Variants in MAP3K2 observed in about 807,000 individuals in gnomAD.
The protein encoded by MAP3K2 is MAP/ERK kinase kinase 2.
In MAP3K2, 24 loss-of-function variants were observed where a neutral mutation model predicts 80.3. That is an observed-to-expected ratio of 0.30 (90% CI 0.22 to 0.42). The LOEUF is 0.42. Among genes scored for constraint, MAP3K2 ranks in the 10% least tolerant of loss-of-function variants. The pLI is 1.00. For synonymous variants in MAP3K2, 244 were observed against 253.7 expected, an observed-to-expected ratio of 0.96 and a Z score of 0.36; for missense variants, 608 against 750.1, an observed-to-expected ratio of 0.81 and a Z score of 2.21.
At chr2:127,314,092 C>T (rs1404002671) in intron 15 of MAP3K2, among the ~76,000 whole-genome samples, 1 of 152,188 alleles carries the variant, frequency 6.6e-6, no homozygotes, top group Non-Finnish European at 1.5e-5. Flanking sequence ...TTAAATTGCA[C>T]CTATCCCCAC....
At chr2:127,330,032 A>C (rs766714173) in intron 6 of MAP3K2, 24 bp from the exon 7 acceptor site, 9 of 1,335,622 alleles carry the variant, frequency 6.7e-6, no homozygotes, top group Non-Finnish European at 9.7e-6. Flanking sequence ...AAGACAGTTA[A>C]TGCTATTCTT....
intron 1 of MAP3K2, among the ~76,000 whole-genome samples, chr2:127,344,235 GAA>G (rs1686553726): frequency 1.3e-5 from 2 of 152,136 alleles, no homozygotes; most frequent in Non-Finnish European, 2.9e-5. Flanking sequence ...TCCCCCAGGA[GAA>G]AAGAGACCCT....
chr2:127,370,718 A>G (rs1687047232), intron 1 of MAP3K2, among the ~76,000 whole-genome samples: 2 of 152,190 alleles, frequency 1.3e-5, no homozygotes, highest in Non-Finnish European at 2.9e-5. Flanking sequence ...AACATCATGC[A>G]CAAGGACAAC....
At position 127,373,787 on chromosome 2, in the gene MAP3K2, C is replaced by T. The variant is rs80349680; in HGVS notation, c.-66+13665G>A. On this transcript the variant is annotated intron_variant, in intron 1 of 16. Transcript: ENST00000682094. The stretch of plus-strand genomic sequence containing the variant: ...TCTATGTCCAGTGAGTCAATAAAGT[C>T]ATCTATTCAGGCCTCAGACAATGCA... 1.4e-3 allele frequency among the ~76,000 whole-genome samples: 211 copies of T among 152,266 alleles called. 4 individuals are homozygous for T. In the East Asian group the frequency reaches 0.036, roughly 26 times the overall value.
Position 127,303,940 on chromosome 2 carries a change from T to C in MAP3K2, c.*3639A>G, listed in dbSNP as rs1386819812. 2 of 152,134 alleles carry C rather than the reference T, an allele frequency of 1.3e-5. No individual in the cohort carries two copies. The highest frequency in any genetic ancestry group is 2.4e-5 in the African/African-American group (1 of 41,436). The allele number at this position is 152,134 out of a possible 1,614,324, so 9.4% of individuals were successfully genotyped here. On this transcript the variant is annotated 3_prime_UTR_variant, in exon 17 of 17. Transcript: ENST00000682094. ...TCTTATAACAACTCCATGTCAGAAA[T>C]ACTACAGAGCAGATCTGACATATAT...
intron 1 of MAP3K2, among the ~76,000 whole-genome samples, chr2:127,374,209 ACT>A (rs1178542090): frequency 1.3e-5 from 2 of 152,198 alleles, no homozygotes; most frequent in Non-Finnish European, 2.9e-5. Context: ...GACTCTGCTT[ACT>A]GTTTATTTAT....
At chr2:127,323,870 C>T in intron 11 of MAP3K2, 32 bp downstream of exon 11, 1 of 1,069,904 alleles carries the variant, frequency 9.3e-7, no homozygotes, top group Admixed American at 2.8e-5. Flanking sequence ...GATTTTTTAA[C>T]TATTCTTGTG....
intron 1 of MAP3K2, among the ~76,000 whole-genome samples, chr2:127,375,124 G>A (rs951480805): frequency 6.6e-6 from 1 of 152,190 alleles, no homozygotes; most frequent in Non-Finnish European, 1.5e-5. Context: ...GTTAACGTGG[G>A]GGAGAGGATA....
At chr2:127,361,158 A>G (rs780022957) in intron 1 of MAP3K2, among the ~76,000 whole-genome samples, 18 of 151,902 alleles carry the variant, frequency 1.2e-4, no homozygotes, top group Admixed American at 2.6e-4. Context: ...CTAAAAATAC[A>G]AAAAATTAGC....
intron 1 of MAP3K2, among the ~76,000 whole-genome samples, chr2:127,380,651 A>C (rs1436785750): frequency 1.3e-5 from 2 of 152,206 alleles, no homozygotes; most frequent in African/African-American, 2.4e-5. Context: ...CTTTAACCTA[A>C]GAGTTAAGTA....
chr2:127,352,402 A>G (rs1686706839), intron 1 of MAP3K2, among the ~76,000 whole-genome samples: 1 of 152,058 alleles, frequency 6.6e-6, no homozygotes, highest in African/African-American at 2.4e-5. Context: ...CCCACTTCCC[A>G]CATCTCACCT....
chr2:127,371,220 T>G (rs1406969869), intron 1 of MAP3K2, among the ~76,000 whole-genome samples: 5 of 152,108 alleles, frequency 3.3e-5, no homozygotes, highest in Non-Finnish European at 4.4e-5. Flanking sequence ...AGCCAGTACC[T>G]CCTCTAGAGG....
intron 1 of MAP3K2, among the ~76,000 whole-genome samples, chr2:127,369,408 G>A (rs1366267405): frequency 1.5e-4 from 21 of 143,336 alleles, no homozygotes; most frequent in Admixed American, 5.5e-4. Flanking sequence ...CGAGGCGGGC[G>A]GATCACGAGG....
At chr2:127,330,178 G>C (rs1424156273) in intron 6 of MAP3K2, among the ~76,000 whole-genome samples, 170 bp from the exon 7 acceptor site, 1 of 152,028 alleles carries the variant, frequency 6.6e-6, no homozygotes, top group East Asian at 1.9e-4. Context: ...GTTTCTATTA[G>C]CTTCGTATGT....
In MAP3K2 at chr2:127,301,340, A is replaced by G. The variant is rs1480145717; in HGVS notation, c.*6239T>C. 1 of 152,256 alleles carries G rather than the reference A, an allele frequency of 6.6e-6. No individual in the cohort carries two copies. Among genetic ancestry groups the G allele is most frequent in the Non-Finnish European group, 1.5e-5 (1 of 68,042 alleles). The allele number at this position is 152,256 out of a possible 1,614,324, so 9.4% of individuals were successfully genotyped here. A position where few individuals can be genotyped will look rare whatever the true frequency, so the allele number is the denominator to read the frequency against. ...TGTGAATCAGTGGTCAAGTGACATT[A>G]ACAAGATTGGCACATGTACAAGCTT... On this transcript the variant is annotated 3_prime_UTR_variant, in exon 17 of 17. Coordinates refer to ENST00000682094, the MANE Select transcript of MAP3K2 (RefSeq NM_001371910.2).
intron 1 of MAP3K2, among the ~76,000 whole-genome samples, chr2:127,368,977 T>C (rs1335990308): frequency 6.6e-6 from 1 of 151,986 alleles, no homozygotes; most frequent in African/African-American, 2.4e-5. Context: ...GGACAGAGTC[T>C]CACTCTGTTG....
chr2:127,326,867 G>A lies in MAP3K2; in HGVS notation c.467-50C>T, dbSNP rs763046004. 3.1e-6 allele frequency: 4 copies of A among 1,310,986 alleles called. No homozygotes were observed. In the South Asian group the frequency reaches 7.2e-5, roughly 24 times the overall value. 81.2% of individuals were successfully genotyped at this position (1,310,986 alleles called of 1,614,324 possible). On this transcript the variant is annotated intron_variant, in intron 7 of 16. Transcript: ENST00000682094. ...TTATAATTATAGGCAAGGGAATCAAGTTTTGTTTTAAATAGGCTATATTTC... is the reference window on the plus strand; with the variant it reads ...TTATAATTATAGGCAAGGGAATCAAATTTTGTTTTAAATAGGCTATATTTC...
In MAP3K2 at chr2:127,304,096, TTTTC is replaced by T. The variant is rs1685649067; in HGVS notation, c.*3479_*3482del. 2 of 152,170 alleles carry T rather than the reference TTTTC, an allele frequency of 1.3e-5. No individual in the cohort carries two copies. The highest frequency in any genetic ancestry group is 2.4e-5 in the African/African-American group (1 of 41,450). The allele number at this position is 152,170 out of a possible 1,614,324, so 9.4% of individuals were successfully genotyped here. A position where few individuals can be genotyped will look rare whatever the true frequency, so the allele number is the denominator to read the frequency against. ...TTCACTCTGAAATCAAGGTTTAAAA[TTTTC>T]TTTTACAGTTCAGCAAATGCATTAA... On this transcript the variant is annotated 3_prime_UTR_variant, in exon 17 of 17. Coordinates refer to ENST00000682094, the MANE Select transcript of MAP3K2 (RefSeq NM_001371910.2).
chr2:127,343,051 C>A, intron 2 of MAP3K2, 75 bp downstream of exon 2: 1 of 1,135,972 alleles, frequency 8.8e-7, no homozygotes, highest in South Asian at 1.4e-5. Flanking sequence ...TATAATAACA[C>A]ATAATAGAGA....
Sources: gnomAD v4.1 joint callset for allele counts (sites outside exome capture counted in the v4.1 genomes callset) on GRCh38, gnomAD v4.1.1 for gene constraint, MANE v1.5 for transcripts, NCBI Gene and HGNC (gene_info 2026-07-23, HGNC 2026-07-21) for gene names.